Variants in MGMT observed in about 807,000 individuals in gnomAD.
The protein encoded by MGMT is O-6-methylguanine-DNA methyltransferase.
In MGMT, 14 loss-of-function variants were observed where a neutral mutation model predicts 15.9. The observed-to-expected ratio is 0.88, with a 90% confidence interval of 0.58 to 1.37. The LOEUF (loss-of-function observed/expected upper bound fraction) is 1.37, where lower values mean the gene tolerates loss of function less well. Among genes scored for constraint, MGMT ranks in the 40% most tolerant of loss-of-function variants. MGMT has a pLI of 0.00. For missense variants in MGMT, 282 were observed against 268.1 expected, an observed-to-expected ratio of 1.05 and a Z score of -0.36; for synonymous variants, 130 against 118.2, an observed-to-expected ratio of 1.10 and a Z score of -0.65.
intron 3 of MGMT, among the ~76,000 whole-genome samples, chr10:129,753,509 C>T (rs924204795): frequency 6.6e-6 from 1 of 151,868 alleles, no homozygotes; most frequent in Non-Finnish European, 1.5e-5. Context: ...ATTTTAAATA[C>T]TTTTTTTTCT....
chr10:129,559,909 A>G (rs2119806902), intron 2 of MGMT, among the ~76,000 whole-genome samples: 1 of 152,304 alleles, frequency 6.6e-6, no homozygotes, highest in Admixed American at 6.5e-5. Context: ...GAAATGGACA[A>G]ATGCAGGTGC....
At chr10:129,514,549 G>C (rs1251383960) in intron 1 of MGMT, among the ~76,000 whole-genome samples, 2 of 152,064 alleles carry the variant, frequency 1.3e-5, no homozygotes, top group African/African-American at 4.8e-5. Context: ...ATTCCTTCTT[G>C]CTTTTTTGCA....
intron 1 of MGMT, among the ~76,000 whole-genome samples, chr10:129,518,670 T>A (rs555194397): frequency 2.2e-5 from 3 of 139,054 alleles, no homozygotes; most frequent in Non-Finnish European, 4.6e-5. Context: ...TCCTTAGGAT[T>A]GTCTTAATAA....
chr10:129,640,740 A>G (rs1847318742), intron 2 of MGMT, among the ~76,000 whole-genome samples: 1 of 152,220 alleles, frequency 6.6e-6, no homozygotes, highest in African/African-American at 2.4e-5. Flanking sequence ...ACTTGAAACC[A>G]GGAAATATAT....
intron 1 of MGMT, among the ~76,000 whole-genome samples, chr10:129,534,956 C>T (rs1265912656): frequency 6.6e-6 from 1 of 152,152 alleles, no homozygotes; most frequent in African/African-American, 2.4e-5. Flanking sequence ...ACCTCTGCCA[C>T]TGTAGCACGG....
At chr10:129,702,262 C>T (rs1848108066) in intron 2 of MGMT, 1 of 152,228 alleles carries the variant, frequency 6.6e-6, no homozygotes. Context: ...ATCCTTGAGC[C>T]AGGTCCACAT....
At chr10:129,628,758 G>C (rs1847178907) in intron 2 of MGMT, among the ~76,000 whole-genome samples, 1 of 152,180 alleles carries the variant, frequency 6.6e-6, no homozygotes, top group African/African-American at 2.4e-5. Flanking sequence ...AATAAAGCTG[G>C]CCCTCACGGG....
At chr10:129,606,326 G>A (rs534200129) in intron 2 of MGMT, among the ~76,000 whole-genome samples, 132 of 152,184 alleles carry the variant, frequency 8.7e-4, no homozygotes, top group African/African-American at 3.0e-3. Context: ...TTTGTATGTC[G>A]TTAACACCGT....
chr10:129,547,766 C>G (rs138137455), intron 2 of MGMT, among the ~76,000 whole-genome samples: 9 of 152,198 alleles, frequency 5.9e-5, no homozygotes, highest in African/African-American at 1.9e-4. Context: ...GGGGAGTGTT[C>G]ATGGCTTCTG....
intron 2 of MGMT, among the ~76,000 whole-genome samples, chr10:129,574,555 G>A (rs371787321): frequency 1.3e-5 from 2 of 152,150 alleles, no homozygotes; most frequent in Admixed American, 6.5e-5. Context: ...GGGGTAAAAG[G>A]CATTGACATT....
At chr10:129,641,869 CT>C in intron 2 of MGMT, among the ~76,000 whole-genome samples, 1 of 152,268 alleles carries the variant, frequency 6.6e-6, no homozygotes, top group Middle Eastern at 3.4e-3. Context: ...TATTTTGTAT[CT>C]AATGTAATGC....
intron 1 of MGMT, among the ~76,000 whole-genome samples, chr10:129,480,791 AG>A (rs1477418148): frequency 6.6e-6 from 1 of 152,250 alleles, no homozygotes; most frequent in Admixed American, 6.5e-5. Context: ...TTACAGGTAC[AG>A]ACTATTCATT....
At chr10:129,518,197 T>G (rs1450932418) in intron 1 of MGMT, among the ~76,000 whole-genome samples, 2 of 151,960 alleles carry the variant, frequency 1.3e-5, no homozygotes, top group East Asian at 3.9e-4. Flanking sequence ...GAAAAAAAAT[T>G]TTTCATCTCT....
In MGMT at chr10:129,654,757, G is replaced by A. The variant is rs566443471; in HGVS notation, c.126-53138G>A. Among the ~76,000 whole-genome samples the A allele has an allele frequency of 9.2e-5, 14 of 152,180 alleles. No individual in the cohort carries two copies. In the East Asian group the frequency reaches 2.5e-3, roughly 27 times the overall value. ...TCTGGCCCTGGCAGGCAGGACAAGGGCCCCCTCCTGCCCATACCTCTACCT... is the reference window on the plus strand; with the variant it reads ...TCTGGCCCTGGCAGGCAGGACAAGGACCCCCTCCTGCCCATACCTCTACCT... On this transcript the variant is annotated intron_variant, in intron 2 of 4. Coordinates refer to ENST00000651593, the MANE Select transcript of MGMT (RefSeq NM_002412.5).
chr10:129,634,645 G>T (rs1847246004), intron 2 of MGMT, among the ~76,000 whole-genome samples: 1 of 151,668 alleles, frequency 6.6e-6, no homozygotes, highest in South Asian at 2.1e-4. Flanking sequence ...TTTTTCCATT[G>T]TAGGTTTTTT....
intron 1 of MGMT, among the ~76,000 whole-genome samples, chr10:129,495,330 T>C (rs1845509243): frequency 6.6e-6 from 1 of 152,358 alleles, no homozygotes; most frequent in South Asian, 2.1e-4. Flanking sequence ...TCTCAAAATA[T>C]CTGCATTGTG....
At chr10:129,617,371 A>G (rs1847039851) in intron 2 of MGMT, among the ~76,000 whole-genome samples, 2 of 152,164 alleles carry the variant, frequency 1.3e-5, no homozygotes, top group South Asian at 4.1e-4. Flanking sequence ...TACTATTATG[A>G]ATAGTGCTGC....
At chr10:129,525,889 G>A (rs1443476888) in intron 1 of MGMT, among the ~76,000 whole-genome samples, 2 of 152,192 alleles carry the variant, frequency 1.3e-5, no homozygotes, top group Admixed American at 6.5e-5. Context: ...CCCGTGTTAG[G>A]CCCCCACCAG....
chr10:129,761,695 A>G (rs1848875778), intron 4 of MGMT, among the ~76,000 whole-genome samples: 1 of 152,194 alleles, frequency 6.6e-6, no homozygotes, highest in Non-Finnish European at 1.5e-5. Flanking sequence ...CCCATGGCAA[A>G]GCCAAGACTG....
Sources: gnomAD v4.1 joint callset for allele counts (sites outside exome capture counted in the v4.1 genomes callset) on GRCh38, gnomAD v4.1.1 for gene constraint, MANE v1.5 for transcripts, NCBI Gene and HGNC (gene_info 2026-07-23, HGNC 2026-07-21) for gene names.